ASTN2: variants seen among roughly 807,000 people sequenced by gnomAD.
ASTN2 encodes the protein astrotactin-2.
Under a neutral mutation model 139.8 loss-of-function variants are expected in ASTN2, and 54 were observed. The observed-to-expected ratio is 0.39, with a 90% CI of 0.31 to 0.48. The LOEUF is 0.48. ASTN2 is among the 20% of genes least tolerant of loss of function. The pLI, the probability that ASTN2 is intolerant of heterozygous loss-of-function variation, is 0.95. For missense variants in ASTN2, 1,565 were observed against 1,725.1 expected, an observed-to-expected ratio of 0.91 and a Z score of 1.64; for synonymous variants, 756 against 719.5, an observed-to-expected ratio of 1.05 and a Z score of -0.81.
chr9:116,707,269 C>A (rs1330652603), intron 16 of ASTN2, among the ~76,000 whole-genome samples: 1 of 125,382 alleles, frequency 8.0e-6, no homozygotes, highest in Non-Finnish European at 1.6e-5. Context: ...TGCCCTATGC[C>A]ACTATGCCCC....
At chr9:116,608,877 A>T (rs986309080) in intron 19 of ASTN2, among the ~76,000 whole-genome samples, 2 of 151,964 alleles carry the variant, frequency 1.3e-5, no homozygotes, top group Non-Finnish European at 2.9e-5. Flanking sequence ...TCCCATATGT[A>T]AAAAAAATTA....
intron 1 of ASTN2, among the ~76,000 whole-genome samples, chr9:117,291,813 G>T (rs1261347222): frequency 6.6e-6 from 1 of 152,218 alleles, no homozygotes; most frequent in African/African-American, 2.4e-5. Flanking sequence ...ATAGTGGAAT[G>T]AAACTAAGGA....
rs1056335562 is a variant in ASTN2, at chr9:116,498,034, G to A, written c.3356-10534C>T. Among the ~76,000 whole-genome samples the A allele has an allele frequency of 4.6e-5, 7 of 152,262 alleles. No individual in the cohort carries two copies. In the South Asian group the frequency reaches 1.5e-3, roughly 32 times the overall value. ...ACGAGGTTGCTGACGGTGGGCCCTA[G>A]GAGCCCCTCTGTCCACAAATGTGAT... is the stretch of plus-strand genomic sequence containing the variant. On this transcript the variant is annotated intron_variant, in intron 19 of 22. Transcript: ENST00000313400.
chr9:116,787,820 A>G (rs1830415504), intron 13 of ASTN2, among the ~76,000 whole-genome samples: 1 of 152,170 alleles, frequency 6.6e-6, no homozygotes, highest in Non-Finnish European at 1.5e-5. Flanking sequence ...AAAACTAAGG[A>G]AATCTGAATA....
intron 19 of ASTN2, among the ~76,000 whole-genome samples, chr9:116,530,097 A>G (rs538515781): frequency 0.019 from 111 of 5,706 alleles, 2 homozygotes; most frequent in African/African-American, 0.063. Context: ...AAAGTGTGAT[A>G]TATATATATA....
chr9:117,016,593 T>C (rs1278556488), intron 6 of ASTN2, among the ~76,000 whole-genome samples: 2 of 51,972 alleles, frequency 3.8e-5, no homozygotes, highest in Non-Finnish European at 3.1e-5. Context: ...TTCTAGGTTT[T>C]ATATATATAT....
chr9:116,661,217 T>G (rs1478841731), intron 16 of ASTN2, among the ~76,000 whole-genome samples: 1 of 149,232 alleles, frequency 6.7e-6, no homozygotes. Context: ...AACAGGAGGC[T>G]GAAAAAAAAA....
intron 11 of ASTN2, among the ~76,000 whole-genome samples, chr9:116,837,525 G>A (rs539602653): frequency 6.6e-6 from 1 of 152,286 alleles, no homozygotes; most frequent in East Asian, 1.9e-4. Flanking sequence ...GCTCTTTGCT[G>A]CTTCCTAGCT....
chr9:116,718,905 G>A (rs914695103), intron 16 of ASTN2, among the ~76,000 whole-genome samples: 3 of 142,568 alleles, frequency 2.1e-5, no homozygotes, highest in Non-Finnish European at 4.6e-5. Context: ...CAATAATTAT[G>A]TTAGACAATT....
rs531225354 is a variant in ASTN2, at chr9:116,423,951, T to C, written c.*1900A>G. Among the ~76,000 whole-genome samples the C allele has an allele frequency of 6.6e-6, 1 of 152,338 alleles. No individual in the cohort carries two copies. Among genetic ancestry groups the C allele is most frequent in the South Asian group, 2.1e-4 (1 of 4,828 alleles). On this transcript the variant is annotated 3_prime_UTR_variant, in exon 23 of 23. Coordinates refer to ENST00000313400, the MANE Select transcript of ASTN2 (RefSeq NM_001365068.1). ...GGATAGGCATATTTTGAATGGCTTA[T>C]GTTTTATTGATATTCAGTATCTTTT...
At chr9:116,920,985 A>C (rs1204448347) in intron 10 of ASTN2, among the ~76,000 whole-genome samples, 1 of 152,164 alleles carries the variant, frequency 6.6e-6, no homozygotes, top group African/African-American at 2.4e-5. Context: ...GTAATGTATA[A>C]AGAAAAGAGG....
intron 18 of ASTN2, 33 bp from the exon 19 acceptor site, chr9:116,618,505 G>C: frequency 6.3e-7 from 1 of 1,583,638 alleles, no homozygotes; most frequent in Non-Finnish European, 8.6e-7. Context: ...TTCGTGTTTG[G>C]CAGCCAGCAC....
intron 4 of ASTN2, among the ~76,000 whole-genome samples, chr9:117,136,852 T>A (rs1011287795): frequency 4.6e-5 from 7 of 152,278 alleles, no homozygotes; most frequent in Middle Eastern, 3.4e-3. Context: ...GGGTATTAAT[T>A]CACAACCCAC....
At chr9:117,002,636 T>C (rs1200222868) in intron 7 of ASTN2, among the ~76,000 whole-genome samples, 1 of 152,222 alleles carries the variant, frequency 6.6e-6, no homozygotes, top group Non-Finnish European at 1.5e-5. Context: ...AATTGGTATA[T>C]ACAATTGTTT....
At chr9:117,399,949 G>A (rs1830778994) in intron 1 of ASTN2, among the ~76,000 whole-genome samples, 2 of 152,194 alleles carry the variant, frequency 1.3e-5, no homozygotes, top group African/African-American at 4.8e-5. Context: ...GTGGCAGTAT[G>A]GCCAAACATA....
chr9:116,512,012 G>T (rs184174193), intron 19 of ASTN2, among the ~76,000 whole-genome samples: 6 of 152,130 alleles, frequency 3.9e-5, no homozygotes, highest in Non-Finnish European at 7.4e-5. Context: ...CTTCAGTCCT[G>T]CTCTGATCTT....
At chr9:116,814,431 T>C (rs1831254564) in intron 12 of ASTN2, among the ~76,000 whole-genome samples, 1 of 151,938 alleles carries the variant, frequency 6.6e-6, no homozygotes, top group Admixed American at 6.6e-5. Context: ...AAGAAAGAAG[T>C]GAATAGAAAA....
intron 17 of ASTN2, among the ~76,000 whole-genome samples, chr9:116,636,751 T>C (rs1167036976): frequency 6.6e-6 from 1 of 152,164 alleles, no homozygotes; most frequent in Non-Finnish European, 1.5e-5. Flanking sequence ...ATAATCAGTA[T>C]GGCCTGGATA....
intron 6 of ASTN2, among the ~76,000 whole-genome samples, chr9:117,009,613 A>AACT (rs1837456407): frequency 6.6e-6 from 1 of 152,228 alleles, no homozygotes; most frequent in Non-Finnish European, 1.5e-5. Context: ...AGACTGCAGC[A>AACT]GCAGGAGACT....
Sources: gnomAD v4.1 joint callset for allele counts (sites outside exome capture counted in the v4.1 genomes callset) on GRCh38, gnomAD v4.1.1 for gene constraint, MANE v1.5 for transcripts, NCBI Gene and HGNC (gene_info 2026-07-23, HGNC 2026-07-21) for gene names.